The following MAGED1 variants were observed in gnomAD, a reference collection of about 807,000 sequenced individuals.
The protein encoded by MAGED1 is melanoma-associated antigen D1.
MAGED1 carries 3 observed loss-of-function variants against 54.1 expected under a neutral mutation model. That is an observed-to-expected ratio of 0.06 (90% confidence interval 0.03 to 0.14). The LOEUF is 0.14. Among genes scored for constraint, MAGED1 ranks in the 10% least tolerant of loss-of-function variants. The probability of loss-of-function intolerance (pLI) is 1.00; values close to 1 mark genes in which losing one functional copy is unlikely to be tolerated. For missense variants in MAGED1, 485 were observed against 623.4 expected (o/e 0.78, Z 2.36); for synonymous variants, 217 against 227.3 (o/e 0.95, Z 0.41).
chrX:51,832,038 T>C (rs1370597981), intron 1 of MAGED1, among the ~76,000 whole-genome samples: 1 of 111,587 alleles, frequency 9.0e-6, no homozygotes, highest in African/African-American at 3.3e-5. Context: ...TATTTTATTA[T>C]TCTTACTTTT....
intron 1 of MAGED1, among the ~76,000 whole-genome samples, chrX:51,806,293 G>A (rs782020981): frequency 3.7e-4 from 41 of 111,741 alleles, no homozygotes; most frequent in African/African-American, 1.3e-3. Context: ...TTCTCACAAA[G>A]TGAACTCGGC....
At chrX:51,857,612 A>G (rs1198534409) in intron 1 of MAGED1, 1 of 111,955 alleles carries the variant, frequency 8.9e-6, no homozygotes, top group African/African-American at 3.2e-5. Flanking sequence ...AGTGTAATGA[A>G]TATGGAAATG....
intron 1 of MAGED1, among the ~76,000 whole-genome samples, chrX:51,858,751 A>G (rs1927174248): frequency 9.0e-6 from 1 of 111,228 alleles, no homozygotes; most frequent in African/African-American, 3.3e-5. Context: ...TTATAACCAA[A>G]CAAGCCAAAA....
At chrX:51,809,101 CTTT>C (rs1274515743) in intron 1 of MAGED1, among the ~76,000 whole-genome samples, 1 of 110,984 alleles carries the variant, frequency 9.0e-6, no homozygotes, top group African/African-American at 3.3e-5. Context: ...GCATAGTCCC[CTTT>C]TTATTTTATT....
upstream of MAGED1, among the ~76,000 whole-genome samples, chrX:51,893,247 A>G (rs1928517162): frequency 1.8e-5 from 2 of 109,168 alleles, no homozygotes; most frequent in Non-Finnish European, 3.8e-5. Context: ...ATGCTGGACA[A>G]GGGGGTGGAG....
chrX:51,888,349 T>C (rs1557363003), intron 1 of MAGED1, among the ~76,000 whole-genome samples: 1 of 111,734 alleles, frequency 8.9e-6, no homozygotes, highest in Admixed American at 9.5e-5. Flanking sequence ...AAAGAGGATA[T>C]ATGGATGGCA....
At chrX:51,899,271 G>C (rs1314326096) in intron 10 of MAGED1, 1 of 110,890 alleles carries the variant, frequency 9.0e-6, no homozygotes, top group African/African-American at 3.3e-5. Flanking sequence ...AGCCTCTTGA[G>C]TAGCTGGGAT....
intron 1 of MAGED1, among the ~76,000 whole-genome samples, chrX:51,825,106 T>C (rs1925807130): frequency 9.1e-6 from 1 of 110,476 alleles, no homozygotes; most frequent in Non-Finnish European, 1.9e-5. Context: ...CAAGCTTTAT[T>C]GGGAGATGTG....
intron 1 of MAGED1, among the ~76,000 whole-genome samples, chrX:51,849,030 T>C (rs1264235088): frequency 9.1e-6 from 1 of 109,869 alleles, no homozygotes; most frequent in African/African-American, 3.3e-5. Context: ...TAAAATTTTA[T>C]AGTTTCCTTT....
At chrX:51,815,611 C>T (rs1355610607) in intron 1 of MAGED1, among the ~76,000 whole-genome samples, 7 of 109,085 alleles carry the variant, frequency 6.4e-5, no homozygotes, top group African/African-American at 2.3e-4. Flanking sequence ...TAACCTCCGC[C>T]TCCCGGGTTC....
intron 1 of MAGED1, chrX:51,857,340 T>C (rs1289252012): frequency 8.9e-6 from 1 of 111,909 alleles, no homozygotes; most frequent in Non-Finnish European, 1.9e-5. Flanking sequence ...AGAATCCCTA[T>C]GAGTGTACTG....
At chrX:51,897,400 A>AC in intron 5 of MAGED1, 129 bp downstream of exon 5, 1 of 767,144 alleles carries the variant, frequency 1.3e-6, no homozygotes, top group African/African-American at 2.1e-5. Context: ...TGCTTGTATG[A>AC]CCCTTCCCCT....
intron 8 of MAGED1, 22 bp from the exon 9 acceptor site, chrX:51,898,263 C>T (rs782254621): frequency 8.3e-7 from 1 of 1,209,731 alleles, no homozygotes; most frequent in Non-Finnish European, 1.1e-6. Context: ...CGTCCCTTGT[C>T]TCCCCTTGCC....
chrX:51,826,918 ACT>A (rs1175679628), intron 1 of MAGED1, among the ~76,000 whole-genome samples: 1 of 112,422 alleles, frequency 8.9e-6, no homozygotes, highest in African/African-American at 3.2e-5. Context: ...TCTACACAAA[ACT>A]CTGCACATAA....
chrX:51,813,021 C>CTTT (rs781836909), intron 1 of MAGED1, among the ~76,000 whole-genome samples: 6 of 76,817 alleles, frequency 7.8e-5, no homozygotes, highest in Non-Finnish European at 7.6e-5. Context: ...CCGCTGACAT[C>CTTT]TTTTTTTTTT....
At chrX:51,816,743 AAAAAC>A (rs1300575161) in intron 1 of MAGED1, among the ~76,000 whole-genome samples, 22 of 111,578 alleles carry the variant, frequency 2.0e-4, no homozygotes, top group African/African-American at 7.2e-4. Flanking sequence ...AAGAAAAAAA[AAAAAC>A]AGATATGAGA....
intron 1 of MAGED1, among the ~76,000 whole-genome samples, chrX:51,877,298 TTAATAA>T (rs1227214133): frequency 9.0e-6 from 1 of 111,258 alleles, no homozygotes; most frequent in African/African-American, 3.3e-5. Context: ...CTTCCCATCA[TTAATAA>T]TAATAATAAA....
At chrX:51,869,846 G>C (rs1927599533) in intron 1 of MAGED1, among the ~76,000 whole-genome samples, 1 of 111,289 alleles carries the variant, frequency 9.0e-6, no homozygotes, top group South Asian at 3.8e-4. Context: ...CTCCAGCCTG[G>C]GTGACAGAGT....
intron 1 of MAGED1, among the ~76,000 whole-genome samples, chrX:51,822,863 G>T (rs957588262): frequency 7.2e-5 from 8 of 111,321 alleles, no homozygotes; most frequent in Non-Finnish European, 1.1e-4. Context: ...TTGTGTTTAA[G>T]TTTTCATTAA....
Sources: gnomAD v4.1 joint callset for allele counts (sites outside exome capture counted in the v4.1 genomes callset) on GRCh38, gnomAD v4.1.1 for gene constraint, MANE v1.5 for transcripts, NCBI Gene and HGNC (gene_info 2026-07-23, HGNC 2026-07-21) for gene names.